ADSS2: variants seen among roughly 807,000 people sequenced by gnomAD.
The protein encoded by ADSS2 is adenylosuccinate synthase 2.
ADSS2 carries 30 observed loss-of-function variants against 60.0 expected under a neutral mutation model. The observed-to-expected ratio is 0.50, with a 90% CI of 0.37 to 0.68. The LOEUF (loss-of-function observed/expected upper bound fraction) is 0.68. ADSS2 is among the 30% of genes least tolerant of loss of function. ADSS2 has a pLI of 0.00. For missense variants in ADSS2, 373 were observed against 554.8 expected (o/e 0.67, Z 3.29); for synonymous variants, 187 against 193.1 (o/e 0.97, Z 0.26).
At chr1:244,420,669 CT>C (rs770608189) in intron 7 of ADSS2, among the ~76,000 whole-genome samples, 5 of 152,050 alleles carry the variant, frequency 3.3e-5, no homozygotes, top group African/African-American at 4.8e-5. Context: ...ATTTGAAAAG[CT>C]GCATTTATAA....
rs1317625241 is a variant in ADSS2 at position 244,437,783 on chromosome 1, AG to A, written c.184-16del. The A allele has an allele frequency of 1.3e-5, 20 of 1,546,208 alleles. No homozygotes were observed. Among genetic ancestry groups the A allele is most frequent in the Non-Finnish European group, 1.6e-5 (18 of 1,118,946 alleles). ...TTATTTCCTCCCTAAAATGTAAGAT[AG>A]GGGAAAATTGAGCCTGATGATAAAT... On this transcript the variant is annotated splice_polypyrimidine_tract_variant and intron_variant, in intron 1 of 12. Transcript: ENST00000366535.
At chr1:244,415,177 CATT>C (rs1664500097) in intron 11 of ADSS2, among the ~76,000 whole-genome samples, 1 of 152,188 alleles carries the variant, frequency 6.6e-6, no homozygotes, top group Non-Finnish European at 1.5e-5. Flanking sequence ...TGCCACATGT[CATT>C]ATACTTGGTT....
intron 9 of ADSS2, among the ~76,000 whole-genome samples, 180 bp from the exon 10 acceptor site, chr1:244,417,932 A>T (rs1035551124): frequency 2.0e-5 from 3 of 151,444 alleles, no homozygotes; most frequent in African/African-American, 7.3e-5. Context: ...CATTATTTGG[A>T]ATGCTTCATT....
At chr1:244,443,061 G>A (rs575923759) in intron 1 of ADSS2, among the ~76,000 whole-genome samples, 1 of 152,320 alleles carries the variant, frequency 6.6e-6, no homozygotes, top group East Asian at 1.9e-4. Context: ...TATGTGCCAG[G>A]ATGAGCAACA....
In ADSS2 at chr1:244,436,880, T is replaced by C. The variant is rs745600186; in HGVS notation, c.300A>G (p.Val100=). Residue 100 remains valine (V), a synonymous_variant, in exon 3 of 13, where the codon GTA becomes GTG. Coordinates refer to ENST00000366535, the MANE Select transcript of ADSS2 (RefSeq NM_001126.5). Reference sequence around the variant, plus strand: ...CTTCAAACAATCCAGGTAGATGAATTACCACACCATTTCCTAAAGGAAAAC... The same window carrying C: ...CTTCAAACAATCCAGGTAGATGAATCACCACACCATTTCCTAAAGGAAAAC... The part of the protein sequence containing the change: ...NVTAFIGNGV[V]IHLPGLFEEA... 2 of 1,611,814 alleles carry C rather than the reference T, an allele frequency of 1.2e-6. No homozygotes were observed. The highest frequency in any genetic ancestry group is 1.7e-5 in the Admixed American group (1 of 59,756).
intron 1 of ADSS2, among the ~76,000 whole-genome samples, chr1:244,443,936 T>C (rs1429159278): frequency 6.6e-6 from 1 of 152,158 alleles, no homozygotes; most frequent in Non-Finnish European, 1.5e-5. Context: ...TTGAGGCCAA[T>C]TTTTAAACCA....
At position 244,417,658 on chromosome 1, in the gene ADSS2, T is replaced by C; in HGVS notation, c.1040A>G (p.Lys347Arg). 6.2e-7 allele frequency: 1 copy of C among 1,612,588 alleles called. No individual in the cohort carries two copies. The highest frequency in any genetic ancestry group is 8.5e-7 in the Non-Finnish European group (1 of 1,179,952). The change falls in exon 10 of 13, where the codon AAA becomes AGA. Residue 347 changes from lysine to arginine, a missense_variant. This residue lies in a region of ADSS2 where 130 missense variants were observed against 169.4 expected (regional missense o/e 0.77). Coordinates refer to ENST00000366535, the MANE Select transcript of ADSS2 (RefSeq NM_001126.5). ...AAATCCATTGATCATATGAGCATAT[T>C]TGAGCAAAACGAGGTCCAACCAGCC... ...RCGWLDLVLLKYAHMINGFTA... is the reference protein window; with the variant it reads ...RCGWLDLVLLRYAHMINGFTA...
rs187051666 is a variant in ADSS2, at chr1:244,410,633, C to A, written c.1318+654G>T. 3.3e-3 allele frequency among the ~76,000 whole-genome samples: 504 copies of A among 151,998 alleles called. 4 individuals are homozygous for A. Among genetic ancestry groups the A allele is most frequent in the African/African-American group, 0.012 (480 of 41,446 alleles). The stretch of plus-strand genomic sequence containing the variant: ...AAACCATAAACCATTTTTAACCCCC[C>A]AAAAACACACAACATTTTTTGTGGT... On this transcript the variant is annotated intron_variant, in intron 12 of 12. Transcript: ENST00000366535.
intron 4 of ADSS2, among the ~76,000 whole-genome samples, chr1:244,427,877 T>C (rs1457010020): frequency 6.6e-6 from 1 of 152,158 alleles, no homozygotes; most frequent in Non-Finnish European, 1.5e-5. Context: ...GCTATGGTTG[T>C]TAATACCAAA....
chr1:244,413,581 A>G (rs1664464533), intron 11 of ADSS2, among the ~76,000 whole-genome samples: 1 of 152,196 alleles, frequency 6.6e-6, no homozygotes, highest in Non-Finnish European at 1.5e-5. Flanking sequence ...AGTTGACTTC[A>G]GGAAAGCTGA....
chr1:244,436,919 C>T lies in ADSS2; in HGVS notation c.287-26G>A, dbSNP rs775461182. 1.8e-5 allele frequency: 29 copies of T among 1,582,606 alleles called. No homozygotes were observed. The Admixed American group carries it at 2.0e-4, about 11-fold the overall frequency. The stretch of plus-strand genomic sequence containing the variant: ...CTAAAGGAAAACCAACAAATCCCAA[C>T]GGTAAACATCTATAACTCAGACATA... On this transcript the variant is annotated intron_variant, in intron 2 of 12. Coordinates refer to ENST00000366535, the MANE Select transcript of ADSS2 (RefSeq NM_001126.5).
At chr1:244,451,910 G>A (rs1294546810), upstream of ADSS2, 7 of 1,315,672 alleles carry the variant, frequency 5.3e-6, no homozygotes, top group South Asian at 1.6e-5. The surrounding 1 kb of genome is among the most constrained non-coding windows in gnomAD (Gnocchi z 6.6). Flanking sequence ...ACATGCAGAG[G>A]AAGAAGGAGC....
At position 244,433,088 on chromosome 1, in the gene ADSS2, T is replaced by C. The variant is rs138090317; in HGVS notation, c.356-493A>G. Among the ~76,000 whole-genome samples, 1,208 of 151,950 alleles carry C rather than the reference T, an allele frequency of 7.9e-3. 10 individuals are homozygous for C. Among genetic ancestry groups the C allele is most frequent in the African/African-American group, 0.028 (1,164 of 41,446 alleles). ...CCCGTCTCTACTAAAAATACGAAAT[T>C]AGCTGGGTGTGGTGGTGGGTGCATC... On this transcript the variant is annotated intron_variant, in intron 3 of 12. Transcript: ENST00000366535.
chr1:244,435,194 A>AAAAAAAAAAAAAAAAACAAAC (rs1553308065), intron 3 of ADSS2, among the ~76,000 whole-genome samples: 1 of 127,852 alleles, frequency 7.8e-6, no homozygotes, highest in African/African-American at 3.2e-5. Context: ...AAAAAAAAAA[A>AAAAAAAAAAAAAAAAACAAAC]AAACAAACCT....
At chr1:244,417,119 T>C (rs1664552268) in intron 10 of ADSS2, among the ~76,000 whole-genome samples, 1 of 152,172 alleles carries the variant, frequency 6.6e-6, no homozygotes. Context: ...TCTCACTACG[T>C]TTCTCACCTA....
intron 1 of ADSS2, among the ~76,000 whole-genome samples, chr1:244,442,624 G>A (rs903800092): frequency 6.6e-6 from 1 of 152,102 alleles, no homozygotes; most frequent in African/African-American, 2.4e-5. Flanking sequence ...TGAGGCAGTT[G>A]GGGTATAACT....
intron 6 of ADSS2, 149 bp from the exon 7 acceptor site, chr1:244,423,065 T>C (rs1199768910): frequency 1.9e-6 from 1 of 531,954 alleles, no homozygotes; most frequent in Non-Finnish European, 3.3e-6. Flanking sequence ...AAATAAAATT[T>C]AATAAAGGAG....
At chr1:244,410,692 G>T (rs1245097149) in intron 12 of ADSS2, among the ~76,000 whole-genome samples, 1 of 151,908 alleles carries the variant, frequency 6.6e-6, no homozygotes, top group Non-Finnish European at 1.5e-5. Context: ...TATTAAGAGG[G>T]AGAAGTGAAT....
In ADSS2 at chr1:244,409,313, T is replaced by C. The variant is rs972275098; in HGVS notation, c.*273A>G. ...TTTTGATATCAAACAACATGGATTA[T>C]ACTATTACTAAACATTGAAAAAAAA... On this transcript the variant is annotated 3_prime_UTR_variant, in exon 13 of 13. Coordinates refer to ENST00000366535, the MANE Select transcript of ADSS2 (RefSeq NM_001126.5). 2.0e-4 allele frequency: 64 copies of C among 322,824 alleles called. No homozygotes were observed. Among genetic ancestry groups the C allele is most frequent in the Non-Finnish European group, 2.3e-4 (42 of 181,698 alleles). 20.0% of individuals were successfully genotyped at this position (322,824 alleles called of 1,614,324 possible). A position where few individuals can be genotyped will look rare whatever the true frequency, so the allele number is the denominator to read the frequency against.
Sources: gnomAD v4.1 joint callset for allele counts (sites outside exome capture counted in the v4.1 genomes callset) on GRCh38, gnomAD v4.1.1 for gene constraint, gnomAD v4.1.1 regional missense constraint, Gnocchi (gnomAD v3.1) non-coding constraint, MANE v1.5 for transcripts, NCBI Gene and HGNC (gene_info 2026-07-23, HGNC 2026-07-21) for gene names.